OGDH: variants seen among roughly 807,000 people sequenced by gnomAD.
OGDH encodes the protein oxoglutarate dehydrogenase, also known as 2-oxoglutarate dehydrogenase complex component E1.
Under a neutral mutation model 116.6 loss-of-function variants are expected in OGDH, and 38 were observed. That is an observed-to-expected ratio of 0.33 (90% CI 0.25 to 0.43). The LOEUF (loss-of-function observed/expected upper bound fraction) is 0.43. OGDH is among the 20% of genes least tolerant of loss of function. The pLI is 1.00. For synonymous variants in OGDH, 488 were observed against 533.3 expected, an observed-to-expected ratio of 0.92 and a Z score of 1.17; for missense variants, 825 against 1,357.2, an observed-to-expected ratio of 0.61 and a Z score of 6.16.
At position 44,697,158 on chromosome 7, in the gene OGDH, CG is replaced by C; in HGVS notation, c.2051+96del. On this transcript the variant is annotated intron_variant, in intron 15 of 22. Coordinates refer to ENST00000222673, the MANE Select transcript of OGDH (RefSeq NM_002541.4). The surrounding 1 kb of genome is among the most constrained non-coding windows in gnomAD (Gnocchi z 6.0). ...TCTTTTCCGGAAGACGGTTAGAAAC[CG>C]GAAGAGTCACATTGCTCTCAGGCTG... The C allele has an allele frequency of 1.3e-6, 2 of 1,527,246 alleles. No homozygotes were observed. Among genetic ancestry groups the C allele is most frequent in the Admixed American group, 1.9e-5 (1 of 53,670 alleles). 94.6% of individuals were successfully genotyped at this position (1,527,246 alleles called of 1,614,324 possible). A position where few individuals can be genotyped will look rare whatever the true frequency, so the allele number is the denominator to read the frequency against.
intron 10 of OGDH, among the ~76,000 whole-genome samples, chr7:44,684,556 G>A (rs1317893770): frequency 2.6e-5 from 4 of 152,028 alleles, no homozygotes; most frequent in African/African-American, 7.2e-5. Context: ...GGTACTTTAT[G>A]TATATTAACT....
chr7:44,626,341 A>C (rs1170074435), intron 2 of OGDH, among the ~76,000 whole-genome samples: 3 of 141,624 alleles, frequency 2.1e-5, no homozygotes, highest in Admixed American at 6.9e-5. Context: ...ACCCCTACAC[A>C]CACACACACA....
chr7:44,673,781 G>T lies in OGDH; in HGVS notation c.634-6G>T. On this transcript the variant is annotated splice_region_variant and splice_polypyrimidine_tract_variant and intron_variant, in intron 5 of 22. Transcript: ENST00000222673. Reference sequence around the variant, plus strand: ...CCCCTTGACTGTGTGTTTCTGTATGGAATAGATGGCCTACTGCCAGCATAT... The same window carrying T: ...CCCCTTGACTGTGTGTTTCTGTATGTAATAGATGGCCTACTGCCAGCATAT... 2 of 1,614,136 alleles carry T rather than the reference G, an allele frequency of 1.2e-6. No individual in the cohort carries two copies. The highest frequency in any genetic ancestry group is 8.5e-7 in the Non-Finnish European group (1 of 1,179,972).
intron 19 of OGDH, among the ~76,000 whole-genome samples, chr7:44,701,195 C>A (rs1788814916): frequency 6.6e-6 from 1 of 152,204 alleles, no homozygotes; most frequent in South Asian, 2.1e-4. Flanking sequence ...TGGGCCATGT[C>A]ACAGCCTTAC....
intron 10 of OGDH, 104 bp downstream of exon 10, chr7:44,681,952 A>G (rs1031923013): frequency 4.1e-5 from 59 of 1,455,618 alleles, no homozygotes; most frequent in Middle Eastern, 2.0e-4. Flanking sequence ...ATAAAAATAC[A>G]TCTGTTATTA....
intron 2 of OGDH, among the ~76,000 whole-genome samples, chr7:44,631,389 C>G (rs1399612197): frequency 6.6e-6 from 1 of 152,080 alleles, no homozygotes; most frequent in Non-Finnish European, 1.5e-5. Context: ...TACCCATCAC[C>G]CAGATAATGA....
intron 2 of OGDH, among the ~76,000 whole-genome samples, chr7:44,632,193 G>A (rs556927946): frequency 3.9e-5 from 6 of 152,272 alleles, no homozygotes; most frequent in East Asian, 3.9e-4. Context: ...GAGGAGTTGG[G>A]ATCCCCAAGA....
In OGDH at chr7:44,697,122, G is replaced by T. The variant is rs144447038; in HGVS notation, c.2051+58G>T. 420 of 1,575,662 alleles carry T rather than the reference G, an allele frequency of 2.7e-4. 3 individuals carry two copies. The East Asian group carries it at 9.2e-3, about 34-fold the overall frequency. ...AAGAGTAGAAGATGGAAAGGGAGGG[G>T]TTCTGGTGTTTCTTTTCCGGAAGAC... On this transcript the variant is annotated intron_variant, in intron 15 of 22. Transcript: ENST00000222673. This position sits in a 1 kb window ranked among gnomAD's most constrained non-coding sequence, Gnocchi z 6.0.
At chr7:44,663,368 T>C (rs1208630552) in intron 4 of OGDH, among the ~76,000 whole-genome samples, 1 of 152,274 alleles carries the variant, frequency 6.6e-6, no homozygotes, top group African/African-American at 2.4e-5. Context: ...CCAGGTGCAG[T>C]GGCTTACGCC....
At chr7:44,608,823 CAG>C (rs1391323798) in intron 1 of OGDH, among the ~76,000 whole-genome samples, 1 of 151,948 alleles carries the variant, frequency 6.6e-6, no homozygotes, top group Non-Finnish European at 1.5e-5. Context: ...ATTTTGAAAA[CAG>C]TAAAATTTTA....
chr7:44,614,131 T>C (rs1474625796), intron 1 of OGDH, among the ~76,000 whole-genome samples: 5 of 151,854 alleles, frequency 3.3e-5, no homozygotes, highest in Non-Finnish European at 7.4e-5. Flanking sequence ...AATTTTTATT[T>C]TTTGTAGATA....
At position 44,674,447 on chromosome 7, in the gene OGDH, G is replaced by A; in HGVS notation, c.825G>A (p.Glu275=). The change falls in exon 7 of 23, where the codon GAG becomes GAA. Residue 275 remains glutamate (E), a synonymous_variant. Transcript: ENST00000222673. The stretch of plus-strand genomic sequence containing the variant: ...TCCTACAGCGGAAGTGGTCCTCTGA[G>A]AAGCGCTTTGGTCTAGAAGGCTGCG... ...EEFLQRKWSS[E]KRFGLEGCEV... The A allele has an allele frequency of 1.9e-6, 3 of 1,614,168 alleles. No individual in the cohort carries two copies. The South Asian group carries it at 3.3e-5, about 18-fold the overall frequency.
At chr7:44,636,790 C>G (rs1334998707) in intron 2 of OGDH, among the ~76,000 whole-genome samples, 3 of 152,270 alleles carry the variant, frequency 2.0e-5, no homozygotes, top group Non-Finnish European at 2.9e-5. Context: ...CTTTTAGTTA[C>G]CTAAAATTAA....
chr7:44,679,616 C>T (rs1172260728), intron 9 of OGDH, among the ~76,000 whole-genome samples: 1 of 152,144 alleles, frequency 6.6e-6, no homozygotes, highest in Non-Finnish European at 1.5e-5. Flanking sequence ...TGTATATCAC[C>T]TTGGCTAGCC....
chr7:44,696,398 T>A (rs761495123), intron 13 of OGDH, 31 bp from the exon 14 acceptor site: 38 of 1,603,688 alleles, frequency 2.4e-5, no homozygotes, highest in Non-Finnish European at 2.9e-5. Context: ...GTAGAGCAGA[T>A]GTCATGCCTC....
chr7:44,608,116 A>G (rs761207913), intron 1 of OGDH, among the ~76,000 whole-genome samples: 1 of 152,022 alleles, frequency 6.6e-6, no homozygotes, highest in Non-Finnish European at 1.5e-5. Flanking sequence ...GACGTGCACA[A>G]TTTCGGCCAG....
chr7:44,669,341 GAGAT>G (rs1787329213), intron 5 of OGDH, among the ~76,000 whole-genome samples: 1 of 151,650 alleles, frequency 6.6e-6, no homozygotes, highest in Admixed American at 6.6e-5. Flanking sequence ...TTATAGAGAT[GAGAT>G]CTCACCACGT....
chr7:44,675,275 C>T lies in OGDH; in HGVS notation c.1026+7C>T, dbSNP rs766850612. 2 of 1,611,750 alleles carry T rather than the reference C, an allele frequency of 1.2e-6. No individual in the cohort carries two copies. Among genetic ancestry groups the T allele is most frequent in the Admixed American group, 3.3e-5 (2 of 59,968 alleles). On this transcript the variant is annotated splice_region_variant and intron_variant, in intron 8 of 22. Transcript: ENST00000222673. Reference sequence around the variant, plus strand: ...GCTGGAGGCAGCTGATGAGGTGAGGCACCTGCATAGAGACACATCCAGCAT... The same window carrying T: ...GCTGGAGGCAGCTGATGAGGTGAGGTACCTGCATAGAGACACATCCAGCAT...
At chr7:44,653,932 G>A (rs961775891) in intron 4 of OGDH, among the ~76,000 whole-genome samples, 1 of 151,962 alleles carries the variant, frequency 6.6e-6, no homozygotes, top group African/African-American at 2.4e-5. Context: ...TCAGCTCACT[G>A]CAACCTCTGC....
Sources: gnomAD v4.1 joint callset for allele counts (sites outside exome capture counted in the v4.1 genomes callset) on GRCh38, gnomAD v4.1.1 for gene constraint, Gnocchi (gnomAD v3.1) non-coding constraint, MANE v1.5 for transcripts, NCBI Gene and HGNC (gene_info 2026-07-23, HGNC 2026-07-21) for gene names.